Variants in ZSCAN29 observed in about 807,000 individuals in gnomAD.
ZSCAN29 encodes zinc finger and SCAN domain-containing protein 29.
In ZSCAN29, 55 loss-of-function variants were observed where a neutral mutation model predicts 71.9. That is an observed-to-expected ratio of 0.76 (90% CI 0.62 to 0.96). ZSCAN29 has a LOEUF of 0.96. ZSCAN29 is among the 40% of genes least tolerant of loss of function. The probability of loss-of-function intolerance (pLI) is 0.00; values close to 1 mark genes in which losing one functional copy is unlikely to be tolerated. For missense variants in ZSCAN29, 1,042 were observed against 1,042.2 expected, an observed-to-expected ratio of 1.00 and a Z score of 0.00; for synonymous variants, 351 against 371.6, an observed-to-expected ratio of 0.94 and a Z score of 0.64.
rs537398238 is a variant in ZSCAN29, at chr15:43,361,639, G to C, written c.1993C>G (p.Leu665Val). ...TGGTGGGATACCTGATGCATGAGAA[G>C]GGAGTTTGGACCAAAGCTTTTGCTG... ...KYSKSFGPNS[L>V]LMHQVSHQVE... Residue 665 changes from leucine to valine, a missense_variant, in exon 6 of 6, where the codon CTT becomes GTT. Leu to Val is a conservative substitution (Grantham distance 32). Transcript: ENST00000684362. 9.9e-6 allele frequency: 16 copies of C among 1,614,192 alleles called. No homozygotes were observed. In the African/African-American group the frequency reaches 2.1e-4, roughly 22 times the overall value.
At chr15:43,367,539 C>T (rs1012232064) in intron 3 of ZSCAN29, among the ~76,000 whole-genome samples, 6 of 152,150 alleles carry the variant, frequency 3.9e-5, no homozygotes, top group Non-Finnish European at 5.9e-5. Context: ...GAAGCCTTAC[C>T]GTCAGCCCTC....
chr15:43,366,627 G>C lies in ZSCAN29; in HGVS notation c.705C>G (p.His235Gln), dbSNP rs1566883850. 1.2e-6 allele frequency: 2 copies of C among 1,614,218 alleles called. No homozygotes were observed. Among genetic ancestry groups the C allele is most frequent in the Non-Finnish European group, 1.7e-6 (2 of 1,180,050 alleles). The change falls in exon 4 of 6, where the codon CAC becomes CAG. Residue 235 changes from histidine (H) to glutamine (Q), a missense_variant. Coordinates refer to ENST00000684362, the MANE Select transcript of ZSCAN29 (RefSeq NM_001372080.1). The part of the protein sequence containing the change: ...KDRRSWVEQD[H>Q]WSFEDEKVAG... ...CCACCTTCTCATCTTCAAAGCTCCA[G>C]TGATCCTGTTCCACCCAGCTTCTTC... is the stretch of plus-strand genomic sequence containing the variant.
rs199901457 is a variant in ZSCAN29 at position 43,366,070 on chromosome 15, C to A, written c.1222+40G>T. 7.1e-4 allele frequency: 1,092 copies of A among 1,547,986 alleles called. 1 individual carries two copies. Among genetic ancestry groups the A allele is most frequent in the Middle Eastern group, 1.5e-3 (8 of 5,344 alleles). ...CTCCACATCCAGTCTCTTTGTTCCCCAAGTCTAATTCCAAAACTCCAAGAA... is the reference window on the plus strand; with the variant it reads ...CTCCACATCCAGTCTCTTTGTTCCCAAAGTCTAATTCCAAAACTCCAAGAA... On this transcript the variant is annotated intron_variant, in intron 4 of 5. Coordinates refer to ENST00000684362, the MANE Select transcript of ZSCAN29 (RefSeq NM_001372080.1).
rs1217020230 is a variant in ZSCAN29, at chr15:43,369,060, T to A, written c.386A>T (p.Glu129Val). The A allele has an allele frequency of 6.2e-6, 10 of 1,608,606 alleles. No individual in the cohort carries two copies. Among genetic ancestry groups the A allele is most frequent in the Non-Finnish European group, 8.5e-6 (10 of 1,176,344 alleles). The change falls in exon 3 of 6, where the codon GAG becomes GTG. Residue 129 changes from glutamate (E) to valine (V), a missense_variant. Glu to Val is a moderately radical substitution (Grantham distance 121, BLOSUM62 -2). Transcript: ENST00000684362. ...EKMTPPKSSQELLSVRQESVE... is the reference protein window; with the variant it reads ...EKMTPPKSSQVLLSVRQESVE... ...TGACTCCTGCCGAACACTTAATAAC[T>A]CTTGTGATGATTTCGGGGGTGTCAT... is the stretch of plus-strand genomic sequence containing the variant.
At chr15:43,368,885 A>T in intron 3 of ZSCAN29, 38 bp downstream of exon 3, 1 of 1,527,902 alleles carries the variant, frequency 6.5e-7, no homozygotes, top group South Asian at 1.3e-5. Flanking sequence ...CCCAACTTGG[A>T]ATGGCAGTCT....
At position 43,364,275 on chromosome 15, in the gene ZSCAN29, C is replaced by T. The variant is rs753745948; in HGVS notation, c.1330G>A (p.Ala444Thr). The T allele has an allele frequency of 1.2e-5, 20 of 1,614,108 alleles. No homozygotes were observed. The East Asian group carries it at 4.0e-4, about 32-fold the overall frequency. Residue 444 changes from alanine (A) to threonine (T), a missense_variant, in exon 5 of 6, where the codon GCA becomes ACA. Physicochemically the swap from Ala to Thr is moderately conservative, Grantham distance 58. Coordinates refer to ENST00000684362, the MANE Select transcript of ZSCAN29 (RefSeq NM_001372080.1). ...NCHRNSQLYG[A>T]VAERLWEYGF... ...TATTCCCATAACCTCTCAGCCACTG[C>T]TCCATACAGCTGGCTGTTGCGGTGA...
At position 43,359,762 on chromosome 15, in the gene ZSCAN29, G is replaced by C. The variant is rs1351255627; in HGVS notation, c.*1311C>G. On this transcript the variant is annotated 3_prime_UTR_variant, in exon 6 of 6. Coordinates refer to ENST00000684362, the MANE Select transcript of ZSCAN29 (RefSeq NM_001372080.1). ...GACAGACGAAATTCAGATGAGACTG[G>C]ACAGAAAGAAAACCAACCTAAATCC... 1 of 152,236 alleles carries C rather than the reference G, an allele frequency of 6.6e-6. No individual in the cohort carries two copies. The highest frequency in any genetic ancestry group is 1.5e-5 in the Non-Finnish European group (1 of 68,056). 9.4% of individuals were successfully genotyped at this position (152,236 alleles called of 1,614,324 possible).
intron 2 of ZSCAN29, 35 bp from the exon 3 acceptor site, chr15:43,369,162 T>A (rs1403657961): frequency 6.6e-7 from 1 of 1,514,870 alleles, no homozygotes; most frequent in Non-Finnish European, 8.9e-7. Context: ...CACTGCAAGA[T>A]CATAATGAGG....
intron 1 of ZSCAN29, 67 bp from the exon 2 acceptor site, chr15:43,370,092 G>T: frequency 1.5e-6 from 1 of 679,286 alleles, no homozygotes; most frequent in Non-Finnish European, 2.4e-6. Context: ...TGCCAGAGCT[G>T]GCCTGCCTTT....
chr15:43,368,864 C>G, intron 3 of ZSCAN29, 59 bp downstream of exon 3: 1 of 1,479,872 alleles, frequency 6.8e-7, no homozygotes, highest in Non-Finnish European at 9.1e-7. Flanking sequence ...TCACTATTCC[C>G]AACCCTACTT....
chr15:43,364,400 A>T lies in ZSCAN29; in HGVS notation c.1223-18T>A. 6.2e-7 allele frequency: 1 copy of T among 1,607,586 alleles called. No homozygotes were observed. ...GTGTACACCTGCCACCAGAAGAGAAATTTCAGCACCACTTAATCCAGAGCT... is the reference window on the plus strand; with the variant it reads ...GTGTACACCTGCCACCAGAAGAGAATTTTCAGCACCACTTAATCCAGAGCT... On this transcript the variant is annotated intron_variant, in intron 4 of 5. Transcript: ENST00000684362.
At chr15:43,369,482 G>T in intron 2 of ZSCAN29, 114 bp downstream of exon 2, 1 of 1,220,744 alleles carries the variant, frequency 8.2e-7, no homozygotes. Flanking sequence ...TACCAGACCA[G>T]AAGTATAAGC....
intron 3 of ZSCAN29, among the ~76,000 whole-genome samples, chr15:43,368,593 A>T (rs1310853432): frequency 6.6e-6 from 1 of 151,992 alleles, no homozygotes; most frequent in African/African-American, 2.4e-5. Flanking sequence ...TAAGGTAACA[A>T]ATATAGTTTA....
chr15:43,369,277 T>A, intron 2 of ZSCAN29, 150 bp from the exon 3 acceptor site: 2 of 725,826 alleles, frequency 2.8e-6, no homozygotes, highest in Non-Finnish European at 4.2e-6. Flanking sequence ...AGGGTCTTAT[T>A]CCATTGCCAT....
chr15:43,362,289 T>C (rs1031990858), intron 5 of ZSCAN29, among the ~76,000 whole-genome samples: 9 of 152,224 alleles, frequency 5.9e-5, no homozygotes, highest in African/African-American at 2.2e-4. Flanking sequence ...ATACGTATTT[T>C]TGCCACATCT....
In ZSCAN29 at chr15:43,358,730, G is replaced by A. The variant is rs753170958; in HGVS notation, c.*2343C>T. Reference sequence around the variant, plus strand: ...TCAAAATATCTTCATCAGATACTACGATTTCTGACCTTTATCTCCCATAGG... The same window carrying A: ...TCAAAATATCTTCATCAGATACTACAATTTCTGACCTTTATCTCCCATAGG... On this transcript the variant is annotated 3_prime_UTR_variant, in exon 6 of 6. Coordinates refer to ENST00000684362, the MANE Select transcript of ZSCAN29 (RefSeq NM_001372080.1). 3 of 152,124 alleles carry A rather than the reference G, an allele frequency of 2.0e-5. No individual in the cohort carries two copies. The highest frequency in any genetic ancestry group is 6.5e-5 in the Admixed American group (1 of 15,282). The allele number at this position is 152,124 out of a possible 1,614,324, so 9.4% of individuals were successfully genotyped here.
At position 43,369,695 on chromosome 15, in the gene ZSCAN29, C is replaced by G. The variant is rs1487303858; in HGVS notation, c.219G>C (p.Glu73Asp). Reference sequence around the variant, plus strand: ...ATTGTTCCTGTACCCAATTCTGGATCTCCCCAGGTAAGACGGTCAGGAACT... The same window carrying G: ...ATTGTTCCTGTACCCAATTCTGGATGTCCCCAGGTAAGACGGTCAGGAACT... Reference protein sequence around the residue: ...LEQFLTVLPGEIQNWVQEQCP... With the variant: ...LEQFLTVLPGDIQNWVQEQCP... The change falls in exon 2 of 6, where the codon GAG becomes GAC. Residue 73 changes from glutamate (E) to aspartate (D), a missense_variant. Glu to Asp is a conservative substitution (Grantham distance 45). Transcript: ENST00000684362. The G allele has an allele frequency of 6.2e-7, 1 of 1,614,124 alleles. No individual in the cohort carries two copies. Among genetic ancestry groups the G allele is most frequent in the Non-Finnish European group, 8.5e-7 (1 of 1,180,058 alleles).
chr15:43,360,834 G>A lies in ZSCAN29; in HGVS notation c.*239C>T. ...ACACCATAGGCACTGAGAGGGAAAA[G>A]ATGTTATCCATCAATTCAGATGCAG... On this transcript the variant is annotated 3_prime_UTR_variant, in exon 6 of 6. Transcript: ENST00000684362. 1 of 510,608 alleles carries A rather than the reference G, an allele frequency of 2.0e-6. No individual in the cohort carries two copies. The highest frequency in any genetic ancestry group is 3.3e-5 in the Admixed American group (1 of 30,244). 31.6% of individuals were successfully genotyped at this position (510,608 alleles called of 1,614,324 possible).
chr15:43,362,153 A>G (rs2043988983), intron 5 of ZSCAN29, among the ~76,000 whole-genome samples: 1 of 152,228 alleles, frequency 6.6e-6, no homozygotes, highest in South Asian at 2.1e-4. Context: ...TAGGGTCTGA[A>G]TAATATATAC....
Sources: gnomAD v4.1 joint callset for allele counts (sites outside exome capture counted in the v4.1 genomes callset) on GRCh38, gnomAD v4.1.1 for gene constraint, MANE v1.5 for transcripts, NCBI Gene and HGNC (gene_info 2026-07-23, HGNC 2026-07-21) for gene names.